Variants in MACF1 observed in about 807,000 individuals in gnomAD.
MACF1 encodes microtubule actin crosslinking factor 1.
A neutral mutation model predicts 854.8 loss-of-function variants in MACF1; 193 were observed. The observed-to-expected ratio is 0.23, with a 90% confidence interval of 0.20 to 0.25. The LOEUF is 0.25. Ranked by LOEUF, MACF1 falls within the 10% of genes least tolerant of loss-of-function variation. The pLI, the probability that MACF1 is intolerant of heterozygous loss-of-function variation, is 1.00. For synonymous variants in MACF1, 3,185 were observed against 3,226.7 expected, an observed-to-expected ratio of 0.99 and a Z score of 0.44; for missense variants, 7,722 against 8,929.1, an observed-to-expected ratio of 0.86 and a Z score of 5.45.
At chr1:39,480,196 A>G (rs1409681409) in intron 98 of MACF1, 187 bp downstream of exon 98, 2 of 588,166 alleles carry the variant, frequency 3.4e-6, no homozygotes, top group African/African-American at 1.9e-5. Flanking sequence ...GTACACAGAT[A>G]TATGGCCTTT....
At chr1:39,095,158 C>A (rs576845324) in intron 2 of MACF1, among the ~76,000 whole-genome samples, 6 of 152,260 alleles carry the variant, frequency 3.9e-5, no homozygotes, top group African/African-American at 1.4e-4. Flanking sequence ...TGTGGAAACC[C>A]AGCAAAGCCT....
At chr1:39,123,728 T>TG (rs1336024380) in intron 2 of MACF1, among the ~76,000 whole-genome samples, 2 of 141,796 alleles carry the variant, frequency 1.4e-5, no homozygotes, top group Admixed American at 1.4e-4. Flanking sequence ...TTTTTTTTTT[T>TG]TTTTTTTTTG....
chr1:39,475,069 C>T (rs746208028), intron 97 of MACF1, among the ~76,000 whole-genome samples: 1 of 152,112 alleles, frequency 6.6e-6, no homozygotes, highest in South Asian at 2.1e-4. Flanking sequence ...TGGGTACTTA[C>T]CACATTGTGC....
chr1:39,434,606 C>G lies in MACF1; in HGVS notation c.17758C>G (p.Leu5920Val), dbSNP rs1643932126. 6.2e-7 allele frequency: 1 copy of G among 1,613,980 alleles called. No homozygotes were observed. The highest frequency in any genetic ancestry group is 1.1e-5 in the South Asian group (1 of 91,084). Reference sequence around the variant, plus strand: ...CTCTCCAGCCATTGATCATGAGCAGCTCAGGCAGCAACAAGAGGAAATGAG... The same window carrying G: ...CTCTCCAGCCATTGATCATGAGCAGGTCAGGCAGCAACAAGAGGAAATGAG... Reference protein sequence around the residue: ...LPSPAIDHEQLRQQQEEMRQL... With the variant: ...LPSPAIDHEQVRQQQEEMRQL... The change falls in exon 69 of 101, where the codon CTC becomes GTC. Residue 5920 changes from leucine (L) to valine (V), a missense_variant. Physicochemically the swap from Leu to Val is conservative, Grantham distance 32. Coordinates refer to ENST00000564288, the MANE Select transcript of MACF1 (RefSeq NM_001394062.1).
intron 2 of MACF1, among the ~76,000 whole-genome samples, chr1:39,183,086 G>A (rs1409591698): frequency 6.6e-6 from 1 of 152,148 alleles, no homozygotes; most frequent in African/African-American, 2.4e-5. Context: ...TAGACTAAGT[G>A]AAAGAAGCCA....
intron 2 of MACF1, among the ~76,000 whole-genome samples, chr1:39,164,649 T>C (rs889196543): frequency 6.6e-6 from 1 of 152,170 alleles, no homozygotes; most frequent in Non-Finnish European, 1.5e-5. Flanking sequence ...TTAATGTTGA[T>C]TGGGAAACTG....
rs916320831 is a variant in MACF1 at position 39,422,617 on chromosome 1, T to C, written c.15978+82T>C. 22 of 1,540,986 alleles carry C rather than the reference T, an allele frequency of 1.4e-5. No homozygotes were observed. In the African/African-American group the frequency reaches 2.4e-4, roughly 16 times the overall value. Reference sequence around the variant, plus strand: ...TCTGAATCTAAGGTTTCCCGAAACCTGAATGGAAATAAAAATTTAGCAGTT... The same window carrying C: ...TCTGAATCTAAGGTTTCCCGAAACCCGAATGGAAATAAAAATTTAGCAGTT... On this transcript the variant is annotated intron_variant, in intron 59 of 100. Transcript: ENST00000564288.
intron 57 of MACF1, 37 bp downstream of exon 57, chr1:39,385,966 A>G (rs765129139): frequency 6.4e-7 from 1 of 1,557,574 alleles, no homozygotes; most frequent in African/African-American, 1.4e-5. Flanking sequence ...TGCCATTATT[A>G]GAGGCAAGCA....
At chr1:39,143,012 G>C (rs193013507) in intron 2 of MACF1, among the ~76,000 whole-genome samples, 1 of 152,316 alleles carries the variant, frequency 6.6e-6, no homozygotes, top group East Asian at 1.9e-4. Context: ...GCGGTGACCC[G>C]AGTGAAGGTG....
At chr1:39,280,001 C>T (rs1266682037) in intron 6 of MACF1, among the ~76,000 whole-genome samples, 2 of 152,040 alleles carry the variant, frequency 1.3e-5, no homozygotes, top group African/African-American at 4.8e-5. Context: ...GTTTACTTTA[C>T]ACAGTGCTTT....
intron 22 of MACF1, among the ~76,000 whole-genome samples, chr1:39,302,699 A>G (rs1187017562): frequency 6.6e-6 from 1 of 152,236 alleles, no homozygotes; most frequent in Non-Finnish European, 1.5e-5. Flanking sequence ...CAGGTATTTA[A>G]TACATACTTA....
intron 69 of MACF1, among the ~76,000 whole-genome samples, chr1:39,435,230 A>C (rs1643947620): frequency 6.6e-6 from 1 of 152,206 alleles, no homozygotes; most frequent in South Asian, 2.1e-4. Flanking sequence ...AGTAAAATAG[A>C]GTACATAGAA....
chr1:39,387,517 C>T lies in MACF1; in HGVS notation c.14675C>T (p.Ala4892Val). ...TGGGAAGAGCTTAGTAAAAAAACTGCAGACAGACAATCCAGGCTCAAGGAT... is the reference window on the plus strand; with the variant it reads ...TGGGAAGAGCTTAGTAAAAAAACTGTAGACAGACAATCCAGGCTCAAGGAT... ...NHWEELSKKT[A>V]DRQSRLKDCM... Residue 4892 changes from alanine to valine, a missense_variant, in exon 58 of 101, where the codon GCA becomes GTA. Coordinates refer to ENST00000564288, the MANE Select transcript of MACF1 (RefSeq NM_001394062.1). 1 of 1,614,134 alleles carries T rather than the reference C, an allele frequency of 6.2e-7. No individual in the cohort carries two copies. Among genetic ancestry groups the T allele is most frequent in the Non-Finnish European group, 8.5e-7 (1 of 1,180,026 alleles).
At chr1:39,288,965 C>T (rs1282199170) in intron 15 of MACF1, among the ~76,000 whole-genome samples, 1 of 152,188 alleles carries the variant, frequency 6.6e-6, no homozygotes, top group African/African-American at 2.4e-5. Flanking sequence ...ATTTATACAT[C>T]CCACAGCTAA....
intron 53 of MACF1, 90 bp downstream of exon 53, chr1:39,378,613 A>G: frequency 7.9e-7 from 1 of 1,265,404 alleles, no homozygotes; most frequent in Non-Finnish European, 1.1e-6. Flanking sequence ...TATGTGGTGG[A>G]AGAACTGCTG....
intron 58 of MACF1, chr1:39,414,308 CAG>C: frequency 2.5e-6 from 4 of 1,614,036 alleles, no homozygotes; most frequent in Non-Finnish European, 3.4e-6. Context: ...CACACTGACT[CAG>C]TGCCTATTTC....
rs1037192577 is a variant in MACF1 at position 39,317,397 on chromosome 1, C to A, written c.3772C>A (p.Leu1258Ile). Residue 1258 changes from leucine to isoleucine, a missense_variant, in exon 29 of 101, where the codon CTC (leucine) becomes ATC (isoleucine). Around this residue, in one of 15 missense-constraint regions of MACF1, gnomAD observed 1,137 missense variants for 1,263.0 expected, o/e 0.90. Coordinates refer to ENST00000564288, the MANE Select transcript of MACF1 (RefSeq NM_001394062.1). ...QERWHRVIAQLEIRQSELESI... is the reference protein window; with the variant it reads ...QERWHRVIAQIEIRQSELESI... ...GCGTTGGCACCGAGTCATTGCCCAGCTCGAGATTCGGTGAGTGGTGGCCCC... is the reference window on the plus strand; with the variant it reads ...GCGTTGGCACCGAGTCATTGCCCAGATCGAGATTCGGTGAGTGGTGGCCCC... 5.0e-6 allele frequency: 8 copies of A among 1,612,404 alleles called. No individual in the cohort carries two copies. In the African/African-American group the frequency reaches 9.3e-5, roughly 19 times the overall value.
intron 93 of MACF1, 122 bp from the exon 94 acceptor site, chr1:39,463,490 C>CAAA (rs58454766): frequency 1.1e-4 from 54 of 511,884 alleles, no homozygotes; most frequent in African/African-American, 2.7e-4. Context: ...AACTCCATCT[C>CAAA]AAAAAAAAAA....
intron 49 of MACF1, among the ~76,000 whole-genome samples, chr1:39,363,948 T>C (rs1248686569): frequency 1.3e-5 from 2 of 152,198 alleles, no homozygotes; most frequent in Admixed American, 6.5e-5. Flanking sequence ...TGAATTGTTG[T>C]TTCCGAAATT....
Sources: gnomAD v4.1 joint callset for allele counts (sites outside exome capture counted in the v4.1 genomes callset) on GRCh38, gnomAD v4.1.1 for gene constraint, gnomAD v4.1.1 regional missense constraint, MANE v1.5 for transcripts, NCBI Gene and HGNC (gene_info 2026-07-23, HGNC 2026-07-21) for gene names.